Variants in WWC1 observed in about 807,000 individuals in gnomAD.
The protein encoded by WWC1 is protein KIBRA.
A neutral mutation model predicts 138.4 loss-of-function variants in WWC1; 55 were observed. The observed-to-expected ratio is 0.40, with a 90% CI of 0.32 to 0.50. WWC1 has a LOEUF of 0.50. WWC1 is among the 20% of genes least tolerant of loss of function. The probability of loss-of-function intolerance (pLI) is 0.72; values close to 1 mark genes in which losing one functional copy is unlikely to be tolerated. For missense variants in WWC1, 1,226 were observed against 1,420.4 expected, an observed-to-expected ratio of 0.86 and a Z score of 2.20; for synonymous variants, 524 against 564.9, an observed-to-expected ratio of 0.93 and a Z score of 1.03.
Position 168,471,684 on chromosome 5 carries a change from C to G in WWC1, c.*2667C>G, listed in dbSNP as rs963652598. 1.3e-5 allele frequency: 2 copies of G among 152,282 alleles called. No homozygotes were observed. The highest frequency in any genetic ancestry group is 4.8e-5 in the African/African-American group (2 of 41,452). The allele number at this position is 152,282 out of a possible 1,614,324, so 9.4% of individuals were successfully genotyped here. ...TGGGGTCCAGCTGAGCCATTCAGAACCATTCCTTAGCATTTTCCACTCAAA... is the reference window on the plus strand; with the variant it reads ...TGGGGTCCAGCTGAGCCATTCAGAAGCATTCCTTAGCATTTTCCACTCAAA... On this transcript the variant is annotated 3_prime_UTR_variant, in exon 23 of 23. Coordinates refer to ENST00000265293, the MANE Select transcript of WWC1 (RefSeq NM_015238.3).
At chr5:168,453,831 C>G in intron 17 of WWC1, 137 bp from the exon 18 acceptor site, 1 of 1,460,454 alleles carries the variant, frequency 6.8e-7, no homozygotes, top group South Asian at 1.4e-5. Context: ...CAGGTGTGAG[C>G]CTGGCCCCCC....
chr5:168,462,223 T>C (rs764353286), intron 20 of WWC1, among the ~76,000 whole-genome samples: 1 of 120,428 alleles, frequency 8.3e-6, no homozygotes, highest in African/African-American at 3.5e-5. Context: ...CCTTAACAAG[T>C]CTGAGGGGGA....
At chr5:168,431,111 G>A (rs1161774241) in intron 14 of WWC1, 141 bp from the exon 15 acceptor site, 1 of 718,860 alleles carries the variant, frequency 1.4e-6, no homozygotes, top group Admixed American at 2.9e-5. Flanking sequence ...AGTGTATAGG[G>A]GCCTGATTCC....
At chr5:168,319,313 G>T (rs569888811) in intron 1 of WWC1, among the ~76,000 whole-genome samples, 31 of 152,202 alleles carry the variant, frequency 2.0e-4, no homozygotes, top group African/African-American at 5.5e-4. Context: ...CCAGCTCCTC[G>T]GGAGGCCGAG....
At chr5:168,457,823 C>T (rs1454602631) in intron 19 of WWC1, among the ~76,000 whole-genome samples, 1 of 152,240 alleles carries the variant, frequency 6.6e-6, no homozygotes, top group Non-Finnish European at 1.5e-5. Context: ...GCTGCCACTG[C>T]CACTACTTAC....
At chr5:168,422,710 T>G (rs1280205294) in intron 10 of WWC1, among the ~76,000 whole-genome samples, 1 of 152,220 alleles carries the variant, frequency 6.6e-6, no homozygotes, top group African/African-American at 2.4e-5. Context: ...TGAACAACAG[T>G]GCATCAGTGG....
At chr5:168,369,867 A>G (rs900330775) in intron 1 of WWC1, among the ~76,000 whole-genome samples, 9 of 116,072 alleles carry the variant, frequency 7.8e-5, no homozygotes, top group African/African-American at 3.0e-4. Flanking sequence ...TTTCCTATGT[A>G]TTCATTACAT....
intron 1 of WWC1, among the ~76,000 whole-genome samples, chr5:168,309,325 C>T (rs964959146): frequency 6.6e-6 from 1 of 152,164 alleles, no homozygotes; most frequent in African/African-American, 2.4e-5. Context: ...AACAACAAAT[C>T]GAAAATTGAA....
intron 15 of WWC1, among the ~76,000 whole-genome samples, chr5:168,440,149 G>A (rs1252934025): frequency 6.6e-6 from 1 of 152,152 alleles, no homozygotes; most frequent in Non-Finnish European, 1.5e-5. Flanking sequence ...GAAAGGACTT[G>A]AATAGACATT....
intron 1 of WWC1, among the ~76,000 whole-genome samples, chr5:168,298,282 G>A (rs1301905802): frequency 2.6e-5 from 4 of 151,826 alleles, no homozygotes; most frequent in Non-Finnish European, 4.4e-5. Flanking sequence ...CAAGTTATCC[G>A]CCTGCCTCAG....
intron 2 of WWC1, among the ~76,000 whole-genome samples, chr5:168,378,976 T>G (rs1438367541): frequency 6.6e-6 from 1 of 152,064 alleles, no homozygotes; most frequent in Non-Finnish European, 1.5e-5. Flanking sequence ...GATGGGTGTA[T>G]GGAGAACTCA....
intron 3 of WWC1, among the ~76,000 whole-genome samples, chr5:168,396,554 A>T (rs1006351183): frequency 3.3e-5 from 5 of 152,188 alleles, no homozygotes; most frequent in African/African-American, 1.2e-4. Flanking sequence ...CCTCCCGACC[A>T]AGAATAACTG....
At chr5:168,305,992 G>A (rs1013521825) in intron 1 of WWC1, among the ~76,000 whole-genome samples, 1 of 152,206 alleles carries the variant, frequency 6.6e-6, no homozygotes, top group African/African-American at 2.4e-5. Flanking sequence ...AAGGGGACAA[G>A]TGCCATAGGA....
At chr5:168,370,751 G>A (rs1460672591) in intron 1 of WWC1, among the ~76,000 whole-genome samples, 1 of 152,168 alleles carries the variant, frequency 6.6e-6, no homozygotes, top group Non-Finnish European at 1.5e-5. Context: ...ATTGAGACTT[G>A]GTGATTACTA....
intron 1 of WWC1, among the ~76,000 whole-genome samples, chr5:168,368,123 TCTTGTTACCCAGGCTGGAGTGCAA>T (rs1561667085): frequency 6.7e-6 from 1 of 149,136 alleles, no homozygotes; most frequent in Non-Finnish European, 1.5e-5. Context: ...GGAGTTTTGT[TCTTGTTACCCAGGCTGGAGTGCAA>T]CGGCACGATC....
chr5:168,367,595 A>G (rs761231106), intron 1 of WWC1, among the ~76,000 whole-genome samples: 1 of 152,172 alleles, frequency 6.6e-6, no homozygotes, highest in Non-Finnish European at 1.5e-5. Context: ...CTGGGATTAC[A>G]GGCATGAGCC....
chr5:168,413,298 C>T (rs1718264555), intron 8 of WWC1, among the ~76,000 whole-genome samples: 1 of 152,088 alleles, frequency 6.6e-6, no homozygotes, highest in South Asian at 2.1e-4. Flanking sequence ...GAGGCCAAGT[C>T]CTAAAGGATG....
intron 1 of WWC1, among the ~76,000 whole-genome samples, chr5:168,325,235 CCCCA>C (rs1252604515): frequency 2.0e-5 from 3 of 152,180 alleles, no homozygotes; most frequent in African/African-American, 7.2e-5. Context: ...CCACAGGGTA[CCCCA>C]CCCTAGCTTT....
In WWC1 at chr5:168,408,585, G is replaced by C; in HGVS notation, c.799G>C (p.Glu267Gln). 6.2e-7 allele frequency: 1 copy of C among 1,614,224 alleles called. No individual in the cohort carries two copies. The highest frequency in any genetic ancestry group is 8.5e-7 in the Non-Finnish European group (1 of 1,180,052). ...CCTGTGGTCCAGCAGCAGCTCTCTG[G>C]AGAGTTCGAGTTTCCCGCTACCGAA... ...SDLWSSSSSL[E>Q]SSSFPLPKQY... Residue 267 changes from glutamate to glutamine, a missense_variant, in exon 7 of 23, where the codon GAG becomes CAG. Around this residue, in one of 3 missense-constraint regions of WWC1, gnomAD observed 1,016 missense variants for 1,153.9 expected, o/e 0.88. Coordinates refer to ENST00000265293, the MANE Select transcript of WWC1 (RefSeq NM_015238.3).
Sources: allele counts gnomAD v4.1 joint callset (sites outside exome capture counted in the v4.1 genomes callset), GRCh38; gene constraint gnomAD v4.1.1; regional missense constraint gnomAD v4.1.1; transcripts MANE v1.5; gene names NCBI Gene and HGNC (gene_info 2026-07-23, HGNC 2026-07-21).